Variants in GPC5 observed in about 807,000 individuals in gnomAD.
GPC5 encodes glypican 5.
Under a neutral mutation model 53.9 loss-of-function variants are expected in GPC5, and 47 were observed. The observed-to-expected ratio is 0.87, with a 90% CI of 0.69 to 1.11. GPC5 has a LOEUF of 1.11. Among genes scored for constraint, GPC5 ranks in the 50% most tolerant of loss-of-function variants. The pLI, the probability that GPC5 is intolerant of heterozygous loss-of-function variation, is 0.00. For missense variants in GPC5, 748 were observed against 713.1 expected (o/e 1.05, Z -0.56); for synonymous variants, 286 against 263.3 (o/e 1.09, Z -0.84).
chr13:92,640,750 C>A (rs1253902863), intron 7 of GPC5, among the ~76,000 whole-genome samples: 1 of 151,922 alleles, frequency 6.6e-6, no homozygotes, highest in Non-Finnish European at 1.5e-5. Context: ...TGAAGGGGTT[C>A]CCACTGACCA....
At chr13:92,385,254 G>A (rs2043782577) in intron 7 of GPC5, among the ~76,000 whole-genome samples, 1 of 149,270 alleles carries the variant, frequency 6.7e-6, no homozygotes, top group Admixed American at 6.8e-5. Context: ...TTTGAATTTG[G>A]CTCTCATGTA....
chr13:92,838,486 C>A (rs541055368), intron 7 of GPC5, among the ~76,000 whole-genome samples: 66 of 145,274 alleles, frequency 4.5e-4, no homozygotes, highest in Middle Eastern at 3.5e-3. Flanking sequence ...CCGCGCCCCC[C>A]CCAAAAAAAA....
intron 7 of GPC5, among the ~76,000 whole-genome samples, chr13:92,329,822 C>T (rs1229532622): frequency 6.6e-6 from 1 of 152,046 alleles, no homozygotes; most frequent in Admixed American, 6.6e-5. Flanking sequence ...TTCTGGCTTA[C>T]CAGGCTGTAA....
chr13:92,004,973 G>A (rs2040593176), intron 6 of GPC5, among the ~76,000 whole-genome samples: 1 of 152,046 alleles, frequency 6.6e-6, no homozygotes, highest in Admixed American at 6.5e-5. Context: ...GGCCACACTG[G>A]CAGCTGATTA....
chr13:92,268,765 A>T (rs1217117872), intron 7 of GPC5, among the ~76,000 whole-genome samples: 1 of 152,118 alleles, frequency 6.6e-6, no homozygotes, highest in Non-Finnish European at 1.5e-5. Flanking sequence ...ATGTCTAAAC[A>T]GTATCAGGTT....
intron 7 of GPC5, among the ~76,000 whole-genome samples, chr13:92,837,657 A>G (rs909679370): frequency 2.0e-5 from 3 of 152,178 alleles, no homozygotes; most frequent in African/African-American, 7.2e-5. Context: ...GCGAAAAGCA[A>G]CACATCCCTT....
At chr13:91,495,939 C>T (rs1039640690) in intron 2 of GPC5, among the ~76,000 whole-genome samples, 15 of 152,044 alleles carry the variant, frequency 9.9e-5, no homozygotes, top group African/African-American at 3.1e-4. Flanking sequence ...AGGAGAATTG[C>T]TTGAACTCGG....
At chr13:92,839,029 TAGG>T (rs1321543174) in intron 7 of GPC5, among the ~76,000 whole-genome samples, 33 of 152,244 alleles carry the variant, frequency 2.2e-4, no homozygotes, top group African/African-American at 7.0e-4. Context: ...ATTTGCGGAG[TAGG>T]AGACTAATAG....
intron 7 of GPC5, among the ~76,000 whole-genome samples, chr13:92,556,654 T>A (rs1423980037): frequency 6.6e-6 from 1 of 151,802 alleles, no homozygotes; most frequent in Non-Finnish European, 1.5e-5. Flanking sequence ...CAAAGACAAG[T>A]GTTCAACCCC....
intron 5 of GPC5, among the ~76,000 whole-genome samples, chr13:91,867,380 T>C (rs1026589160): frequency 1.3e-5 from 2 of 152,240 alleles, no homozygotes; most frequent in East Asian, 3.9e-4. Flanking sequence ...GAAAAGAGAG[T>C]AATGTGGCAG....
At chr13:92,621,409 C>T in intron 7 of GPC5, among the ~76,000 whole-genome samples, 1 of 152,252 alleles carries the variant, frequency 6.6e-6, no homozygotes, top group African/African-American at 2.4e-5. Context: ...GGTAAAATTC[C>T]TTTTAGTAAA....
At chr13:92,034,123 C>T (rs1441117890) in intron 6 of GPC5, among the ~76,000 whole-genome samples, 1 of 152,134 alleles carries the variant, frequency 6.6e-6, no homozygotes, top group Non-Finnish European at 1.5e-5. Context: ...CAAAATCATA[C>T]ATATACTATA....
chr13:91,779,298 G>T (rs191311024), intron 5 of GPC5, among the ~76,000 whole-genome samples: 17 of 152,174 alleles, frequency 1.1e-4, no homozygotes, highest in African/African-American at 4.1e-4. Context: ...ACAAACACAT[G>T]GTGGAGCTGT....
In GPC5 at chr13:92,457,014, C is replaced by G. The variant is rs138649580; in HGVS notation, c.1561+312025C>G. On this transcript the variant is annotated intron_variant, in intron 7 of 7. Transcript: ENST00000377067. Reference sequence around the variant, plus strand: ...TTGCTCCTCTCCTTCTCTGCCCCATCTAGTTGTCCTCTGTGTCTGTTGTTC... The same window carrying G: ...TTGCTCCTCTCCTTCTCTGCCCCATGTAGTTGTCCTCTGTGTCTGTTGTTC... Among the ~76,000 whole-genome samples the G allele has an allele frequency of 6.6e-5, 10 of 152,022 alleles. No individual in the cohort carries two copies. The East Asian group carries it at 1.9e-3, about 29-fold the overall frequency.
chr13:91,861,450 T>C (rs2039027229), intron 5 of GPC5, among the ~76,000 whole-genome samples: 1 of 152,138 alleles, frequency 6.6e-6, no homozygotes, highest in Admixed American at 6.5e-5. Flanking sequence ...GGTTATTTCA[T>C]AATTATGAGA....
intron 2 of GPC5, among the ~76,000 whole-genome samples, chr13:91,473,057 A>C (rs971978630): frequency 2.0e-5 from 3 of 152,278 alleles, no homozygotes; most frequent in Admixed American, 6.5e-5. Flanking sequence ...TCATGACAGA[A>C]GGGGAAGCAG....
intron 2 of GPC5, among the ~76,000 whole-genome samples, chr13:91,481,604 C>T: frequency 6.6e-6 from 1 of 152,172 alleles, no homozygotes; most frequent in Non-Finnish European, 1.5e-5. Context: ...CAACCTCTTG[C>T]AACTTACTCA....
intron 7 of GPC5, among the ~76,000 whole-genome samples, chr13:92,292,848 T>C (rs1473238159): frequency 6.6e-6 from 1 of 152,176 alleles, no homozygotes; most frequent in African/African-American, 2.4e-5. Flanking sequence ...TTGTATGAGT[T>C]GAGAGATGAG....
chr13:91,503,572 G>T (rs1444913380), intron 2 of GPC5, among the ~76,000 whole-genome samples: 1 of 151,620 alleles, frequency 6.6e-6, no homozygotes. Context: ...ACGAGGTCAG[G>T]AGATGGTGAC....
Sources: gnomAD v4.1 joint callset for allele counts (sites outside exome capture counted in the v4.1 genomes callset) on GRCh38, gnomAD v4.1.1 for gene constraint, MANE v1.5 for transcripts, NCBI Gene and HGNC (gene_info 2026-07-23, HGNC 2026-07-21) for gene names.